SCN8A: variants seen among roughly 807,000 people sequenced by gnomAD.
The protein encoded by SCN8A is sodium channel protein type 8 subunit alpha.
In SCN8A, 30 loss-of-function variants were observed where a neutral mutation model predicts 184.1. That is an observed-to-expected ratio of 0.16 (90% confidence interval 0.12 to 0.22). The LOEUF (loss-of-function observed/expected upper bound fraction) is 0.22. Ranked by LOEUF, SCN8A falls within the 10% of genes least tolerant of loss-of-function variation. The pLI is 1.00. For missense variants in SCN8A, 1,057 were observed against 2,498.9 expected (o/e 0.42, Z 12.30); for synonymous variants, 852 against 907.0 (o/e 0.94, Z 1.09).
At position 51,687,184 on chromosome 12, in the gene SCN8A, A is replaced by G. The variant is rs755900174; in HGVS notation, c.579A>G (p.Pro193=). Reference sequence around the variant, plus strand: ...ATGGCTTTACCTTTTTACGGGACCCATGGAACTGGTTAGATTTCAGTGTCA... The same window carrying G: ...ATGGCTTTACCTTTTTACGGGACCCGTGGAACTGGTTAGATTTCAGTGTCA... ...CIDGFTFLRD[P]WNWLDFSVIM... Residue 193 remains proline (P), a synonymous_variant, in exon 5 of 27, where the codon CCA becomes CCG. Coordinates refer to ENST00000627620, the MANE Select transcript of SCN8A (RefSeq NM_001330260.2). 1.9e-6 allele frequency: 3 copies of G among 1,613,562 alleles called. No individual in the cohort carries two copies. In the Admixed American group the frequency reaches 5.0e-5, roughly 27 times the overall value.
intron 11 of SCN8A, chr12:51,712,446 C>T: frequency 2.6e-6 from 2 of 766,414 alleles, no homozygotes; most frequent in East Asian, 4.9e-5. Context: ...AGAACTGTAG[C>T]CCTTTTCTGC....
chr12:51,645,439 C>T (rs1565871800), intron 1 of SCN8A, among the ~76,000 whole-genome samples: 2 of 152,134 alleles, frequency 1.3e-5, no homozygotes, highest in African/African-American at 4.8e-5. Context: ...CCGGCCACCA[C>T]CCTGTCTGGG....
At chr12:51,630,057 T>G (rs1267114575) in intron 1 of SCN8A, among the ~76,000 whole-genome samples, 1 of 152,164 alleles carries the variant, frequency 6.6e-6, no homozygotes, top group African/African-American at 2.4e-5. Context: ...CCTGGCCAAG[T>G]TTCTTAACTT....
chr12:51,754,397 T>G (rs960271733), intron 14 of SCN8A, among the ~76,000 whole-genome samples: 4 of 152,138 alleles, frequency 2.6e-5, no homozygotes, highest in Non-Finnish European at 5.9e-5. Flanking sequence ...GTGTGTATTT[T>G]TTATACACAA....
Position 51,660,867 on chromosome 12 carries a change from G to T in SCN8A, c.-54-1897G>T, listed in dbSNP as rs190616346. ...AATAATTAGTCAAGGCTGAGTTGGT[G>T]GGAAGACTGTGGAGGAGTAGGGATT... On this transcript the variant is annotated intron_variant, in intron 1 of 26. Coordinates refer to ENST00000627620, the MANE Select transcript of SCN8A (RefSeq NM_001330260.2). Among the ~76,000 whole-genome samples the T allele has an allele frequency of 3.5e-3, 529 of 152,286 alleles. 3 individuals carry two copies. Among genetic ancestry groups the T allele is most frequent in the Non-Finnish European group, 4.2e-3 (283 of 68,016 alleles).
chr12:51,611,441 C>T (rs534137085), intron 1 of SCN8A, among the ~76,000 whole-genome samples: 19 of 152,258 alleles, frequency 1.2e-4, no homozygotes, highest in East Asian at 5.8e-4. Context: ...GGATTACAGG[C>T]GTGAGCCACC....
At position 51,697,014 on chromosome 12, in the gene SCN8A, G is replaced by A. The variant is rs1025032469; in HGVS notation, c.707-2556G>A. On this transcript the variant is annotated intron_variant, in intron 6 of 26. Coordinates refer to ENST00000627620, the MANE Select transcript of SCN8A (RefSeq NM_001330260.2). The stretch of plus-strand genomic sequence containing the variant: ...AGATCGTGCCATTGCACTCCAGCCT[G>A]GACGACAGAGCGAGAATCCGACTCA... Among the ~76,000 whole-genome samples, 13 of 147,056 alleles carry A rather than the reference G, an allele frequency of 8.8e-5. No individual in the cohort carries two copies. The South Asian group carries it at 1.5e-3, about 17-fold the overall frequency.
intron 21 of SCN8A, among the ~76,000 whole-genome samples, chr12:51,782,547 C>T (rs1197611461): frequency 6.6e-6 from 1 of 152,258 alleles, no homozygotes; most frequent in Non-Finnish European, 1.5e-5. Context: ...CATCCCCTTA[C>T]GGTGATCCCT....
chr12:51,645,145 C>G (rs1343896363), intron 1 of SCN8A, among the ~76,000 whole-genome samples: 34 of 146,652 alleles, frequency 2.3e-4, no homozygotes, highest in East Asian at 4.1e-4. Flanking sequence ...GCCCGGCCGC[C>G]CCTACTGGGA....
At chr12:51,675,116 A>C (rs1208124181) in intron 2 of SCN8A, among the ~76,000 whole-genome samples, 3 of 152,224 alleles carry the variant, frequency 2.0e-5, no homozygotes, top group African/African-American at 7.2e-5. Context: ...TTAAGAGGTT[A>C]AAGTAGAAGG....
At chr12:51,778,075 T>C (rs1163068496) in intron 20 of SCN8A, among the ~76,000 whole-genome samples, 1 of 152,186 alleles carries the variant, frequency 6.6e-6, no homozygotes, top group Non-Finnish European at 1.5e-5. Context: ...GGTGCTACTA[T>C]GTTCTAGATA....
At chr12:51,615,195 C>T (rs868212295) in intron 1 of SCN8A, among the ~76,000 whole-genome samples, 3 of 151,948 alleles carry the variant, frequency 2.0e-5, no homozygotes, top group Middle Eastern at 3.4e-3. Flanking sequence ...CTAGGAATTA[C>T]AATGTACATA....
intron 1 of SCN8A, among the ~76,000 whole-genome samples, chr12:51,630,384 C>T (rs1465194741): frequency 1.3e-5 from 2 of 152,018 alleles, no homozygotes; most frequent in African/African-American, 2.4e-5. Context: ...CTTCAACTGG[C>T]GTATTTTACT....
intron 22 of SCN8A, among the ~76,000 whole-genome samples, chr12:51,787,589 GGTT>G (rs1475954155): frequency 2.6e-5 from 4 of 152,286 alleles, no homozygotes; most frequent in South Asian, 2.1e-4. Context: ...CACTTTGCAT[GGTT>G]GTTAAGAGGA....
intron 2 of SCN8A, among the ~76,000 whole-genome samples, chr12:51,665,964 A>C (rs528182579): frequency 6.6e-6 from 1 of 152,302 alleles, no homozygotes; most frequent in South Asian, 2.1e-4. Flanking sequence ...CAGGAGGCTG[A>C]GTCAGGAGAA....
intron 26 of SCN8A, among the ~76,000 whole-genome samples, chr12:51,801,925 T>C (rs1241859519): frequency 6.6e-6 from 1 of 152,048 alleles, no homozygotes; most frequent in African/African-American, 2.4e-5. Context: ...CATGGTGGCA[T>C]GCACCTGTAA....
intron 11 of SCN8A, chr12:51,713,145 G>T (rs1941909197): frequency 8.2e-7 from 1 of 1,213,328 alleles, no homozygotes; most frequent in East Asian, 2.3e-5. Flanking sequence ...TAACTTCTAT[G>T]GTTTCAATCT....
chr12:51,636,811 T>C (rs1307721062), intron 1 of SCN8A, among the ~76,000 whole-genome samples: 1 of 152,240 alleles, frequency 6.6e-6, no homozygotes. Context: ...AAGCATACTT[T>C]TTGCCTTAAG....
intron 2 of SCN8A, among the ~76,000 whole-genome samples, chr12:51,663,728 GT>G (rs1370432464): frequency 1.3e-5 from 2 of 152,078 alleles, no homozygotes; most frequent in African/African-American, 2.4e-5. Flanking sequence ...TTGGCCAAGA[GT>G]TTCAAACTTC....
Sources: allele counts gnomAD v4.1 joint callset (sites outside exome capture counted in the v4.1 genomes callset), GRCh38; gene constraint gnomAD v4.1.1; transcripts MANE v1.5; gene names NCBI Gene and HGNC (gene_info 2026-07-23, HGNC 2026-07-21).